The following NCKAP5 variants were observed in gnomAD, a reference collection of about 807,000 sequenced individuals.
The protein encoded by NCKAP5 is nck-associated protein 5.
NCKAP5 carries 92 observed loss-of-function variants against 167.0 expected under a neutral mutation model. The observed-to-expected ratio is 0.55, with a 90% CI of 0.47 to 0.66. NCKAP5 has a LOEUF of 0.66. Ranked by LOEUF, NCKAP5 falls within the 30% of genes least tolerant of loss-of-function variation. The probability of loss-of-function intolerance (pLI) is 0.00; values close to 1 mark genes in which losing one functional copy is unlikely to be tolerated. For synonymous variants in NCKAP5, 891 were observed against 877.4 expected, an observed-to-expected ratio of 1.02 and a Z score of -0.27; for missense variants, 2,378 against 2,315.0, an observed-to-expected ratio of 1.03 and a Z score of -0.56.
the NCKAP5 span, among the ~76,000 whole-genome samples, chr2:133,668,612 TG>T: frequency 3.3e-5 from 5 of 151,808 alleles, no homozygotes; most frequent in East Asian, 7.7e-4. Flanking sequence ...TTGAACTGTT[TG>T]CTTGTTTTTT....
chr2:132,883,010 T>C (rs1166396059), intron 8 of NCKAP5, among the ~76,000 whole-genome samples: 1 of 151,840 alleles, frequency 6.6e-6, no homozygotes, highest in Non-Finnish European at 1.5e-5. Flanking sequence ...CTGGGCGACA[T>C]AGTGAGATCT....
intron 19 of NCKAP5, among the ~76,000 whole-genome samples, chr2:132,718,716 T>C (rs1211038761): frequency 3.9e-5 from 6 of 152,180 alleles, no homozygotes; most frequent in African/African-American, 1.4e-4. Flanking sequence ...AGGAAATGTA[T>C]GCATAAGGGG....
chr2:133,276,967 CT>C (rs2089755676), intron 4 of NCKAP5, among the ~76,000 whole-genome samples: 1 of 152,066 alleles, frequency 6.6e-6, no homozygotes, highest in Non-Finnish European at 1.5e-5. Flanking sequence ...TTTAAATAAT[CT>C]TTGAGAAAAC....
intron 13 of NCKAP5, 66 bp downstream of exon 13, chr2:132,789,957 C>T: frequency 6.7e-7 from 1 of 1,489,764 alleles, no homozygotes; most frequent in Non-Finnish European, 9.0e-7. Flanking sequence ...TGCCCTTCAT[C>T]TCCATGACCA....
chr2:133,460,496 A>G (rs192822994), intron 3 of NCKAP5, among the ~76,000 whole-genome samples: 134 of 152,312 alleles, frequency 8.8e-4, no homozygotes, highest in African/African-American at 3.1e-3. Context: ...AATATACTTC[A>G]TATTGCAACT....
At chr2:133,017,079 C>T (rs2078364639) in intron 6 of NCKAP5, among the ~76,000 whole-genome samples, 1 of 152,178 alleles carries the variant, frequency 6.6e-6, no homozygotes, top group Admixed American at 6.5e-5. Context: ...TTTATATGAT[C>T]ATTTCCTGAC....
the NCKAP5 span, among the ~76,000 whole-genome samples, chr2:133,638,946 G>A: frequency 2.0e-5 from 3 of 151,596 alleles, no homozygotes; most frequent in Non-Finnish European, 4.4e-5. Flanking sequence ...ATGTGTAATT[G>A]TTGCAAGAAT....
chr2:133,108,949 T>C (rs1447207642), intron 6 of NCKAP5, among the ~76,000 whole-genome samples: 1 of 152,212 alleles, frequency 6.6e-6, no homozygotes, highest in Admixed American at 6.5e-5. Flanking sequence ...GTTGGAAATT[T>C]AGGTTGTTTC....
At chr2:133,075,824 C>T (rs1216700752) in intron 6 of NCKAP5, among the ~76,000 whole-genome samples, 10 of 151,780 alleles carry the variant, frequency 6.6e-5, no homozygotes, top group Admixed American at 5.9e-4. Context: ...GGGAGAAAAA[C>T]AGGCCAAAAA....
chr2:133,484,449 C>T (rs61402737), intron 3 of NCKAP5, among the ~76,000 whole-genome samples: 5,376 of 152,172 alleles, frequency 0.035, 332 homozygotes, highest in African/African-American at 0.12. Flanking sequence ...GCAGGGGAAA[C>T]GATGCCATTT....
rs533924390 is a variant in NCKAP5, at chr2:133,237,048, A to T, written c.144-23269T>A. On this transcript the variant is annotated intron_variant, in intron 4 of 19. Transcript: ENST00000409261. ...TGTACCCTAGAACTTAAAGTATAAT[A>T]AAAAAAAAAGAGCGAAATCTCTGTA... Among the ~76,000 whole-genome samples, 4 of 112,460 alleles carry T rather than the reference A, an allele frequency of 3.6e-5. No homozygotes were observed. The South Asian group carries it at 8.7e-4, about 25-fold the overall frequency. The allele number at this position is 112,460 out of a possible 152,430, so 73.8% of individuals were successfully genotyped here.
chr2:133,489,222 T>C (rs2151341692), intron 3 of NCKAP5, among the ~76,000 whole-genome samples: 1 of 152,350 alleles, frequency 6.6e-6, no homozygotes, highest in East Asian at 1.9e-4. Context: ...AAAGAAACTA[T>C]AGGCATACAT....
intron 3 of NCKAP5, among the ~76,000 whole-genome samples, chr2:133,509,292 C>T (rs997240438): frequency 1.3e-5 from 2 of 152,196 alleles, no homozygotes; most frequent in Non-Finnish European, 2.9e-5. Context: ...CCCTATCAAG[C>T]ACCTTGGGAC....
chr2:133,575,623 T>C, the NCKAP5 span, among the ~76,000 whole-genome samples: 3 of 152,182 alleles, frequency 2.0e-5, no homozygotes, highest in Non-Finnish European at 4.4e-5. Flanking sequence ...AGTGTTACAA[T>C]AGCAATAGAA....
intron 14 of NCKAP5, among the ~76,000 whole-genome samples, chr2:132,781,436 AT>A (rs542623448): frequency 8.7e-4 from 133 of 152,288 alleles, no homozygotes; most frequent in African/African-American, 3.1e-3. Context: ...ATCATAATGT[AT>A]TTTTTATTTT....
chr2:133,041,703 C>T (rs1413235331), intron 6 of NCKAP5, among the ~76,000 whole-genome samples: 1 of 152,028 alleles, frequency 6.6e-6, no homozygotes, highest in Non-Finnish European at 1.5e-5. Context: ...GAAATACACA[C>T]CTCAGGAAAG....
chr2:132,997,715 C>T (rs2077645838), intron 6 of NCKAP5, among the ~76,000 whole-genome samples: 2 of 151,724 alleles, frequency 1.3e-5, no homozygotes, highest in Admixed American at 1.3e-4. Flanking sequence ...CTAGGAGTTA[C>T]CTTGGAGAAC....
chr2:133,170,712 C>T (rs1009125229), intron 5 of NCKAP5, among the ~76,000 whole-genome samples: 4 of 152,228 alleles, frequency 2.6e-5, no homozygotes, highest in Admixed American at 6.5e-5. Context: ...ACTCCATTCA[C>T]AGCAATGGCG....
At chr2:132,858,544 C>T (rs1323448494) in intron 11 of NCKAP5, among the ~76,000 whole-genome samples, 2 of 152,148 alleles carry the variant, frequency 1.3e-5, no homozygotes, top group Non-Finnish European at 2.9e-5. Flanking sequence ...AATTAACACA[C>T]CATCTGAAAA....
Sources: allele counts gnomAD v4.1 joint callset (sites outside exome capture counted in the v4.1 genomes callset), GRCh38; gene constraint gnomAD v4.1.1; transcripts MANE v1.5; gene names NCBI Gene and HGNC (gene_info 2026-07-23, HGNC 2026-07-21).